The following ANO10 variants were observed in gnomAD, a reference collection of about 807,000 sequenced individuals.
ANO10 encodes anoctamin 10.
Under a neutral mutation model 74.7 loss-of-function variants are expected in ANO10, and 77 were observed. The observed-to-expected ratio is 1.03, with a 90% CI of 0.86 to 1.25. The LOEUF (loss-of-function observed/expected upper bound fraction) is 1.25, where lower values mean the gene tolerates loss of function less well. Among genes scored for constraint, ANO10 ranks in the 50% most tolerant of loss-of-function variants. ANO10 has a pLI of 0.00. For synonymous variants in ANO10, 279 were observed against 284.9 expected (o/e 0.98, Z 0.21); for missense variants, 721 against 778.1 (o/e 0.93, Z 0.87).
At chr3:43,627,082 A>C (rs1163675174) in intron 1 of ANO10, among the ~76,000 whole-genome samples, 3 of 152,150 alleles carry the variant, frequency 2.0e-5, no homozygotes, top group Non-Finnish European at 2.9e-5. Flanking sequence ...GTATGCTTAG[A>C]TTCATAGCAT....
chr3:43,480,524 T>C (rs2076226718), intron 11 of ANO10, among the ~76,000 whole-genome samples: 1 of 152,184 alleles, frequency 6.6e-6, no homozygotes, highest in South Asian at 2.1e-4. Flanking sequence ...CAATGGGTAA[T>C]GTCTTCCAAA....
chr3:43,535,131 A>G (rs2078651277), intron 11 of ANO10, among the ~76,000 whole-genome samples: 1 of 151,604 alleles, frequency 6.6e-6, no homozygotes, highest in South Asian at 2.1e-4. Flanking sequence ...GCACCACCAC[A>G]CCCGGCTAAT....
At chr3:43,683,186 C>T (rs1476610020) in intron 1 of ANO10, among the ~76,000 whole-genome samples, 5 of 152,180 alleles carry the variant, frequency 3.3e-5, no homozygotes, top group Admixed American at 6.5e-5. Flanking sequence ...AAAACCCCAT[C>T]ATCTCAGCCC....
intron 12 of ANO10, among the ~76,000 whole-genome samples, chr3:43,428,343 C>T (rs1043823316): frequency 1.7e-4 from 26 of 152,072 alleles, no homozygotes; most frequent in African/African-American, 6.0e-4. Flanking sequence ...AACCACCACA[C>T]CCAGCCAACC....
intron 8 of ANO10, among the ~76,000 whole-genome samples, chr3:43,565,208 A>G (rs1209586818): frequency 2.0e-5 from 3 of 152,192 alleles, no homozygotes; most frequent in Admixed American, 2.0e-4. Context: ...CAACACACCA[A>G]AATAAATGTC....
intron 11 of ANO10, among the ~76,000 whole-genome samples, chr3:43,546,843 G>A (rs1192838678): frequency 6.6e-6 from 1 of 152,092 alleles, no homozygotes; most frequent in Non-Finnish European, 1.5e-5. Context: ...AAAATCCCAG[G>A]AGAAGAGAGA....
intron 1 of ANO10, among the ~76,000 whole-genome samples, chr3:43,619,385 C>T (rs934372949): frequency 6.6e-6 from 1 of 152,124 alleles, no homozygotes; most frequent in African/African-American, 2.4e-5. Context: ...CTGTAGATTA[C>T]ACTAATAGAA....
intron 12 of ANO10, among the ~76,000 whole-genome samples, chr3:43,387,003 C>T (rs2092140486): frequency 6.6e-6 from 1 of 152,160 alleles, no homozygotes; most frequent in South Asian, 2.1e-4. Flanking sequence ...AACCGTCATA[C>T]AGTCATATGT....
rs62253036 is a variant in ANO10, at chr3:43,686,203, C to T, written c.-12+5314G>A. ...CATATCTGTCAATCCTCTCCCGTCC[C>T]TACCCCACCCCATACACACCTTAAA... On this transcript the variant is annotated intron_variant, in intron 1 of 3. Coordinates refer to the ANO10 transcript ENST00000413397. Among the ~76,000 whole-genome samples, 384 of 152,334 alleles carry T rather than the reference C, an allele frequency of 2.5e-3. 1 individual carries two copies. The highest frequency in any genetic ancestry group is 4.2e-3 in the Non-Finnish European group (287 of 68,030).
chr3:43,628,500 A>T, intron 1 of ANO10, among the ~76,000 whole-genome samples: 1 of 152,188 alleles, frequency 6.6e-6, no homozygotes, highest in South Asian at 2.1e-4. Context: ...AACAATATGA[A>T]ATCTGGGCAC....
intron 11 of ANO10, among the ~76,000 whole-genome samples, chr3:43,487,830 T>C (rs1313167212): frequency 1.3e-5 from 2 of 152,020 alleles, no homozygotes; most frequent in African/African-American, 2.4e-5. Context: ...CAAAAGTTCA[T>C]ATGGAACCAA....
intron 11 of ANO10, among the ~76,000 whole-genome samples, chr3:43,453,179 CTT>C (rs36070589): frequency 0.039 from 5,146 of 130,374 alleles, 106 homozygotes; most frequent in African/African-American, 0.07. Context: ...TCTTTTCCCC[CTT>C]TTTTTTTTTT....
intron 3 of ANO10, among the ~76,000 whole-genome samples, chr3:43,599,414 A>G (rs1031689805): frequency 1.3e-5 from 2 of 152,154 alleles, no homozygotes; most frequent in Non-Finnish European, 2.9e-5. Flanking sequence ...CAACGACCCT[A>G]TCACATTCAG....
At chr3:43,645,954 C>T (rs146143649) in intron 1 of ANO10, among the ~76,000 whole-genome samples, 3,331 of 152,210 alleles carry the variant, frequency 0.022, 74 homozygotes, top group African/African-American at 0.055. Flanking sequence ...ACTGCAGGCA[C>T]GCACCACCAC....
At chr3:43,419,162 G>A (rs886821788) in intron 12 of ANO10, among the ~76,000 whole-genome samples, 2 of 152,218 alleles carry the variant, frequency 1.3e-5, no homozygotes, top group African/African-American at 4.8e-5. Context: ...AGCTAGCTTC[G>A]CAAGAGGAAG....
chr3:43,589,140 C>T (rs914065569), intron 4 of ANO10, among the ~76,000 whole-genome samples: 1 of 151,260 alleles, frequency 6.6e-6, no homozygotes, highest in Admixed American at 6.6e-5. Context: ...TATGGTTCAC[C>T]ATGGGAATAA....
Position 43,571,714 on chromosome 3 carries a change from T to C in ANO10, c.1218+3095A>G, listed in dbSNP as rs553757835. Among the ~76,000 whole-genome samples, 270 of 151,262 alleles carry C rather than the reference T, an allele frequency of 1.8e-3. 1 individual carries two copies. Among genetic ancestry groups the C allele is most frequent in the African/African-American group, 6.2e-3 (254 of 41,186 alleles). ...GTGGGGGCAGGGGGGAGGGATAGCATTGGGAGATATACCTAATGCTAGATG... is the reference window on the plus strand; with the variant it reads ...GTGGGGGCAGGGGGGAGGGATAGCACTGGGAGATATACCTAATGCTAGATG... On this transcript the variant is annotated intron_variant, in intron 7 of 12. Coordinates refer to ENST00000292246, the MANE Select transcript of ANO10 (RefSeq NM_018075.5).
At chr3:43,673,292 C>T (rs139193051) in intron 1 of ANO10, among the ~76,000 whole-genome samples, 5 of 152,282 alleles carry the variant, frequency 3.3e-5, no homozygotes, top group African/African-American at 1.2e-4. Context: ...TTGTTTTCTG[C>T]CACAAGTGCA....
intron 12 of ANO10, among the ~76,000 whole-genome samples, chr3:43,415,242 G>C (rs879597589): frequency 4.6e-5 from 7 of 151,940 alleles, no homozygotes; most frequent in Admixed American, 3.3e-4. Flanking sequence ...CTCCTCAAGT[G>C]CTGGGATTAC....
Sources: gnomAD v4.1 joint callset for allele counts (sites outside exome capture counted in the v4.1 genomes callset) on GRCh38, gnomAD v4.1.1 for gene constraint, MANE v1.5 for transcripts, NCBI Gene and HGNC (gene_info 2026-07-23, HGNC 2026-07-21) for gene names.